PLXNA2: variants seen among roughly 807,000 people sequenced by gnomAD.
PLXNA2 encodes plexin-A2.
PLXNA2 carries 91 observed loss-of-function variants against 193.5 expected under a neutral mutation model. The observed-to-expected ratio is 0.47, with a 90% CI of 0.40 to 0.56. The LOEUF (loss-of-function observed/expected upper bound fraction) is 0.56. Among genes scored for constraint, PLXNA2 ranks in the 20% least tolerant of loss-of-function variants. PLXNA2 has a pLI of 0.00. For missense variants in PLXNA2, 1,995 were observed against 2,503.2 expected, an observed-to-expected ratio of 0.80 and a Z score of 4.33; for synonymous variants, 997 against 1,027.3, an observed-to-expected ratio of 0.97 and a Z score of 0.56.
At position 208,023,896 on chromosome 1, in the gene PLXNA2, T is replaced by G. The variant is rs1448787547; in HGVS notation, c.*3347A>C. 1 of 152,262 alleles carries G rather than the reference T, an allele frequency of 6.6e-6. No homozygotes were observed. 9.4% of individuals were successfully genotyped at this position (152,262 alleles called of 1,614,324 possible). On this transcript the variant is annotated 3_prime_UTR_variant, in exon 32 of 32. Transcript: ENST00000367033. Reference sequence around the variant, plus strand: ...CTCCTCCAATGAGATTAACAGCTGATCCATGCTTTTAATGACTGAACTCTG... The same window carrying G: ...CTCCTCCAATGAGATTAACAGCTGAGCCATGCTTTTAATGACTGAACTCTG...
intron 9 of PLXNA2, among the ~76,000 whole-genome samples, 188 bp from the exon 10 acceptor site, chr1:208,084,768 G>A (rs939486152): frequency 9.2e-5 from 14 of 152,308 alleles, no homozygotes; most frequent in Admixed American, 8.5e-4. Flanking sequence ...TGTCATCCCC[G>A]TCCCACAAGT....
Position 208,038,756 on chromosome 1 carries a change from T to G in PLXNA2, c.4660+69A>C. 1 of 1,487,946 alleles carries G rather than the reference T, an allele frequency of 6.7e-7. No homozygotes were observed. The highest frequency in any genetic ancestry group is 9.3e-7 in the Non-Finnish European group (1 of 1,077,906). 92.2% of individuals were successfully genotyped at this position (1,487,946 alleles called of 1,614,324 possible). A position where few individuals can be genotyped will look rare whatever the true frequency, so the allele number is the denominator to read the frequency against. On this transcript the variant is annotated intron_variant, in intron 25 of 31. Transcript: ENST00000367033. The surrounding 1 kb of genome is among the most constrained non-coding windows in gnomAD (Gnocchi z 4.1). Reference sequence around the variant, plus strand: ...CACAGTCATGCCCCTGCAAGGGTTGTGTGCATGGCAGCTTCCCTTCCTTCA... The same window carrying G: ...CACAGTCATGCCCCTGCAAGGGTTGGGTGCATGGCAGCTTCCCTTCCTTCA...
At chr1:208,114,227 T>C (rs533487924) in intron 4 of PLXNA2, among the ~76,000 whole-genome samples, 1 of 152,348 alleles carries the variant, frequency 6.6e-6, no homozygotes, top group East Asian at 1.9e-4. Context: ...TTGGCATTTG[T>C]GGTTATTGAT....
At position 208,038,604 on chromosome 1, in the gene PLXNA2, A is replaced by G. The variant is rs1433047675; in HGVS notation, c.4661-130T>C. 1.2e-6 allele frequency: 1 copy of G among 813,626 alleles called. No homozygotes were observed. Among genetic ancestry groups the G allele is most frequent in the Admixed American group, 2.1e-5 (1 of 47,830 alleles). The allele number at this position is 813,626 out of a possible 1,614,324, so 50.4% of individuals were successfully genotyped here. A position where few individuals can be genotyped will look rare whatever the true frequency, so the allele number is the denominator to read the frequency against. ...CAAGCTGGTACCAATAACAGAGGCT[A>G]GAGACATCTAGGGCTCCATGGGCCC... On this transcript the variant is annotated intron_variant, in intron 25 of 31. Transcript: ENST00000367033. The surrounding 1 kb of genome is among the most constrained non-coding windows in gnomAD (Gnocchi z 4.1).
At chr1:208,039,591 A>T (rs1284876424) in intron 24 of PLXNA2, 30 bp downstream of exon 24, 13 of 1,611,470 alleles carry the variant, frequency 8.1e-6, no homozygotes, top group Non-Finnish European at 1.1e-5. Context: ...GAAGATACAC[A>T]GGCGGGCCCG....
chr1:208,188,645 G>A (rs1670080052), intron 3 of PLXNA2, among the ~76,000 whole-genome samples: 1 of 150,842 alleles, frequency 6.6e-6, no homozygotes, highest in African/African-American at 2.4e-5. Flanking sequence ...GGAGGCGGAG[G>A]TTGCAGTGAG....
chr1:208,149,526 T>G (rs1259004114), intron 3 of PLXNA2, among the ~76,000 whole-genome samples: 1 of 151,716 alleles, frequency 6.6e-6, no homozygotes. Context: ...CTGTATGTGG[T>G]GTGTGTATGC....
chr1:208,194,670 G>T (rs888907771), intron 3 of PLXNA2, among the ~76,000 whole-genome samples: 1 of 152,008 alleles, frequency 6.6e-6, no homozygotes, highest in Non-Finnish European at 1.5e-5. Flanking sequence ...ACCAAGATGG[G>T]GCAGATGAGA....
rs764608848 is a variant in PLXNA2 at position 208,028,190 on chromosome 1, A to C, written c.5439-31T>G. ...AGAGACAGGATAGGCGCCTTGGTGG[A>C]GGCCTCAGCAAACATTTACCTATAG... On this transcript the variant is annotated intron_variant, in intron 30 of 31. Transcript: ENST00000367033. This position sits in a 1 kb window ranked among gnomAD's most constrained non-coding sequence, Gnocchi z 4.2. The C allele has an allele frequency of 4.4e-6, 7 of 1,574,586 alleles. No individual in the cohort carries two copies. The Admixed American group carries it at 1.3e-4, about 28-fold the overall frequency.
intron 4 of PLXNA2, among the ~76,000 whole-genome samples, chr1:208,128,770 C>T (rs2590690): frequency 0.31 from 44,880 of 145,326 alleles, 7,299 homozygotes; most frequent in South Asian, 0.41. Flanking sequence ...GGAGCGATCT[C>T]GGCTCCCTGC....
intron 12 of PLXNA2, 88 bp from the exon 13 acceptor site, chr1:208,060,925 G>T: frequency 8.2e-7 from 1 of 1,218,642 alleles, no homozygotes; most frequent in Non-Finnish European, 1.2e-6. Context: ...GGAGGTTTAA[G>T]AACCTCCATA....
At chr1:208,086,609 G>A (rs1433667561) in intron 9 of PLXNA2, among the ~76,000 whole-genome samples, 1 of 152,010 alleles carries the variant, frequency 6.6e-6, no homozygotes, top group Admixed American at 6.6e-5. Context: ...CCACCTGCAT[G>A]TGAGGACTCC....
chr1:208,042,198 C>T lies in PLXNA2; in HGVS notation c.4186G>A (p.Gly1396Ser). Residue 1396 changes from glycine (G) to serine (S), a missense_variant, in exon 22 of 32, where the codon GGC (glycine) becomes AGC (serine). Gly to Ser is a moderately conservative substitution (Grantham distance 56, BLOSUM62 0). Coordinates refer to ENST00000367033, the MANE Select transcript of PLXNA2 (RefSeq NM_025179.4). Reference sequence around the variant, plus strand: ...ACATCAGTGGCATATTCCAGGCGGCCCTGCAGGCCGGTCATGATGAGCGAA... The same window carrying T: ...ACATCAGTGGCATATTCCAGGCGGCTCTGCAGGCCGGTCATGATGAGCGAA... ...VASLIMTGLQ[G>S]RLEYATDVLK... 1 of 1,614,202 alleles carries T rather than the reference C, an allele frequency of 6.2e-7. No individual in the cohort carries two copies. Among genetic ancestry groups the T allele is most frequent in the Non-Finnish European group, 8.5e-7 (1 of 1,180,032 alleles).
intron 11 of PLXNA2, among the ~76,000 whole-genome samples, chr1:208,080,095 T>G (rs1270952523): frequency 1.3e-5 from 2 of 152,158 alleles, no homozygotes; most frequent in Admixed American, 1.3e-4. Flanking sequence ...TGGTAGGTCC[T>G]GAGAAGTGAG....
At chr1:208,132,592 G>A (rs923387988) in intron 4 of PLXNA2, among the ~76,000 whole-genome samples, 2 of 152,170 alleles carry the variant, frequency 1.3e-5, no homozygotes, top group Non-Finnish European at 2.9e-5. Flanking sequence ...AGAAAAACAC[G>A]GCAAAAATAT....
At chr1:208,201,978 T>G (rs1670566400) in intron 3 of PLXNA2, among the ~76,000 whole-genome samples, 1 of 151,958 alleles carries the variant, frequency 6.6e-6, no homozygotes, top group South Asian at 2.1e-4. Flanking sequence ...CAAGAATTTT[T>G]TTTTTTTTTT....
At chr1:208,225,298 T>C (rs764684728) in intron 1 of PLXNA2, among the ~76,000 whole-genome samples, 8 of 152,176 alleles carry the variant, frequency 5.3e-5, no homozygotes, top group Non-Finnish European at 8.8e-5. Flanking sequence ...CTTTTGTTAC[T>C]GTTGTTTTGG....
chr1:208,050,642 G>A (rs957197850), intron 17 of PLXNA2, among the ~76,000 whole-genome samples: 2 of 152,188 alleles, frequency 1.3e-5, no homozygotes, highest in Non-Finnish European at 2.9e-5. Context: ...AGACCAGCCT[G>A]GGCAAAAGAG....
chr1:208,079,335 G>A lies in PLXNA2; in HGVS notation c.2511C>T (p.His837=). ...GCCAGGGGCTGGAAGGGCTGGTACA[G>A]TGCTGGTGGAGGGTGCACCTGCGCT... ...SGERRCTLHQ[H]CTSPSSPWLD... Residue 837 remains histidine, a synonymous_variant, in exon 12 of 32, where the codon CAC becomes CAT. Coordinates refer to ENST00000367033, the MANE Select transcript of PLXNA2 (RefSeq NM_025179.4). 1 of 1,614,058 alleles carries A rather than the reference G, an allele frequency of 6.2e-7. No individual in the cohort carries two copies. Among genetic ancestry groups the A allele is most frequent in the Non-Finnish European group, 8.5e-7 (1 of 1,179,922 alleles).
Sources: gnomAD v4.1 joint callset for allele counts (sites outside exome capture counted in the v4.1 genomes callset) on GRCh38, gnomAD v4.1.1 for gene constraint, Gnocchi (gnomAD v3.1) non-coding constraint, MANE v1.5 for transcripts, NCBI Gene and HGNC (gene_info 2026-07-23, HGNC 2026-07-21) for gene names.